TIAM1: variants seen among roughly 807,000 people sequenced by gnomAD.
TIAM1 encodes the protein rho guanine nucleotide exchange factor TIAM1.
TIAM1 carries 65 observed loss-of-function variants against 163.5 expected under a neutral mutation model. That is an observed-to-expected ratio of 0.40 (90% confidence interval 0.33 to 0.49). TIAM1 has a LOEUF of 0.49. Among genes scored for constraint, TIAM1 ranks in the 20% least tolerant of loss-of-function variants. The pLI is 0.77. For synonymous variants in TIAM1, 833 were observed against 810.1 expected (o/e 1.03, Z -0.48); for missense variants, 1,789 against 2,044.7 (o/e 0.87, Z 2.41).
chr21:31,379,074 C>T (rs1000867726), intron 2 of TIAM1, among the ~76,000 whole-genome samples: 8 of 152,150 alleles, frequency 5.3e-5, no homozygotes, highest in Admixed American at 2.0e-4. Flanking sequence ...CGGGTTCAAG[C>T]GATTCTCCTG....
intron 1 of TIAM1, among the ~76,000 whole-genome samples, chr21:31,473,718 C>G (rs1322106042): frequency 6.6e-6 from 1 of 151,956 alleles, no homozygotes; most frequent in African/African-American, 2.4e-5. Flanking sequence ...CAAAGATCAG[C>G]GAGTGAGCCA....
chr21:31,151,034 T>G (rs2083346535), intron 19 of TIAM1, among the ~76,000 whole-genome samples: 1 of 152,172 alleles, frequency 6.6e-6, no homozygotes, highest in African/African-American at 2.4e-5. Flanking sequence ...AGAACCATAA[T>G]GAGCTGCTAC....
rs1569033639 is a variant in TIAM1, at chr21:31,210,711, GAAAGA to G, written c.2218-501_2218-497del. Among the ~76,000 whole-genome samples the G allele has an allele frequency of 5.1e-4, 54 of 105,732 alleles. 3 individuals carry two copies. The highest frequency in any genetic ancestry group is 2.4e-3 in the African/African-American group (49 of 20,042). 69.4% of individuals were successfully genotyped at this position (105,732 alleles called of 152,430 possible). ...AAAGAAAGAAAGAAAGAAAGAGAAAGAAAGAGAAAGAAAGAAAGAGAAAGAAGGAA... is the reference window on the plus strand; with the variant it reads ...AAAGAAAGAAAGAAAGAAAGAGAAAGGAAAGAAAGAAAGAGAAAGAAGGAA... On this transcript the variant is annotated intron_variant, in intron 10 of 27. Coordinates refer to ENST00000541036, the MANE Select transcript of TIAM1 (RefSeq NM_001353694.2).
chr21:31,341,719 A>G (rs1413876601), intron 1 of TIAM1, among the ~76,000 whole-genome samples: 2 of 152,232 alleles, frequency 1.3e-5, no homozygotes, highest in Non-Finnish European at 2.9e-5. Context: ...TATGTCAAAC[A>G]TACAAAGACA....
At chr21:31,127,403 T>C (rs2082242677) in intron 25 of TIAM1, among the ~76,000 whole-genome samples, 1 of 150,090 alleles carries the variant, frequency 6.7e-6, no homozygotes, top group Non-Finnish European at 1.5e-5. Context: ...GTCAATCATA[T>C]GGACCGAACT....
intron 3 of TIAM1, among the ~76,000 whole-genome samples, chr21:31,272,387 T>G (rs1255079234): frequency 2.0e-5 from 3 of 152,016 alleles, no homozygotes; most frequent in Non-Finnish European, 2.9e-5. Flanking sequence ...CACAAATACT[T>G]ATTAGTTAGG....
chr21:31,303,970 G>A (rs1332112020), intron 2 of TIAM1, among the ~76,000 whole-genome samples: 1 of 151,828 alleles, frequency 6.6e-6, no homozygotes, highest in African/African-American at 2.4e-5. Flanking sequence ...AGAGTGAGAC[G>A]CCATCTCAAA....
chr21:31,357,605 A>C (rs1371913378), intron 2 of TIAM1, among the ~76,000 whole-genome samples: 1 of 152,126 alleles, frequency 6.6e-6, no homozygotes, highest in Non-Finnish European at 1.5e-5. Flanking sequence ...AATTATAACT[A>C]TGAAAATTTG....
At chr21:31,311,151 G>T (rs781284839) in intron 2 of TIAM1, among the ~76,000 whole-genome samples, 1 of 131,976 alleles carries the variant, frequency 7.6e-6, no homozygotes, top group African/African-American at 3.1e-5. Context: ...TCAGGAAATG[G>T]TTTTTTTGTT....
intron 2 of TIAM1, among the ~76,000 whole-genome samples, chr21:31,326,454 G>A (rs921082686): frequency 6.6e-6 from 1 of 152,144 alleles, no homozygotes. Flanking sequence ...TAAAAAGATA[G>A]AAAGAAAACC....
chr21:31,391,816 A>T (rs1048222764), intron 2 of TIAM1, among the ~76,000 whole-genome samples: 5 of 152,198 alleles, frequency 3.3e-5, no homozygotes, highest in African/African-American at 4.8e-5. Flanking sequence ...AACTTTTTTT[A>T]AAATTAAAAG....
intron 1 of TIAM1, 109 bp downstream of exon 1, chr21:31,344,029 C>T (rs2076096075): frequency 6.6e-6 from 1 of 152,206 alleles, no homozygotes. Flanking sequence ...CAGCTCAGCT[C>T]GGGGCTCTCA....
intron 2 of TIAM1, among the ~76,000 whole-genome samples, chr21:31,329,095 G>A (rs186121289): frequency 6.6e-6 from 1 of 152,302 alleles, no homozygotes; most frequent in African/African-American, 2.4e-5. Flanking sequence ...TTTTCCAAAA[G>A]AGATTAAGCA....
At chr21:31,210,683 GAAAAAGAAAGAAAGAAAGAA>G (rs2086777943) in intron 10 of TIAM1, among the ~76,000 whole-genome samples, 3 of 63,380 alleles carry the variant, frequency 4.7e-5, no homozygotes, top group Non-Finnish European at 8.3e-5. Context: ...AAGAAAGAAA[GAAAAAGAAAGAAAGAAAGAA>G]AGAGAAAGAA....
At chr21:31,320,915 C>G (rs965610272) in intron 2 of TIAM1, among the ~76,000 whole-genome samples, 3 of 152,056 alleles carry the variant, frequency 2.0e-5, no homozygotes, top group Non-Finnish European at 4.4e-5. Context: ...TTGCTTGAAC[C>G]TGGGAGGTGG....
At chr21:31,149,201 T>G (rs1285071988) in intron 19 of TIAM1, among the ~76,000 whole-genome samples, 2 of 152,208 alleles carry the variant, frequency 1.3e-5, no homozygotes, top group African/African-American at 4.8e-5. Context: ...TATGTGGAAT[T>G]GAGAAGAGTG....
chr21:31,193,774 G>GCTTA (rs1380266475), intron 13 of TIAM1, among the ~76,000 whole-genome samples: 1 of 152,176 alleles, frequency 6.6e-6, no homozygotes, highest in Non-Finnish European at 1.5e-5. Flanking sequence ...CAAGCTGGAA[G>GCTTA]CTTACACCGG....
Position 31,365,642 on chromosome 21 carries a change from C to T in TIAM1, c.-368-26220G>A, listed in dbSNP as rs555557206. 2.2e-3 allele frequency among the ~76,000 whole-genome samples: 327 copies of T among 151,844 alleles called. 2 individuals are homozygous for T. Among genetic ancestry groups the T allele is most frequent in the African/African-American group, 7.5e-3 (312 of 41,450 alleles). ...TCCTGACCTCGTGATCCACCTGCCT[C>T]GGCCTCCCAAAGTGCGGGATTACAG... On this transcript the variant is annotated intron_variant, in intron 2 of 28. Transcript: ENST00000286827.
intron 2 of TIAM1, among the ~76,000 whole-genome samples, chr21:31,415,163 C>T (rs2043328358): frequency 6.6e-6 from 1 of 152,186 alleles, no homozygotes; most frequent in African/African-American, 2.4e-5. Flanking sequence ...CCAACGGCCC[C>T]AAAGCGTAAG....
Sources: allele counts gnomAD v4.1 joint callset (sites outside exome capture counted in the v4.1 genomes callset), GRCh38; gene constraint gnomAD v4.1.1; transcripts MANE v1.5; gene names NCBI Gene and HGNC (gene_info 2026-07-23, HGNC 2026-07-21).